Variants in TMBIM4 observed in about 807,000 individuals in gnomAD.
The protein encoded by TMBIM4 is protein lifeguard 4.
Under a neutral mutation model 27.7 loss-of-function variants are expected in TMBIM4, and 28 were observed. The observed-to-expected ratio is 1.01, with a 90% CI of 0.75 to 1.38. The LOEUF is 1.38. Ranked by LOEUF, TMBIM4 falls within the 40% of genes most tolerant of loss-of-function variation. The pLI, the probability that TMBIM4 is intolerant of heterozygous loss-of-function variation, is 0.00. For synonymous variants in TMBIM4, 115 were observed against 113.1 expected (o/e 1.02, Z -0.11); for missense variants, 265 against 277.5 (o/e 0.95, Z 0.32).
chr12:66,149,329 G>A (rs559638319), intron 3 of TMBIM4, among the ~76,000 whole-genome samples: 1 of 151,398 alleles, frequency 6.6e-6, no homozygotes, highest in Non-Finnish European at 1.5e-5. Flanking sequence ...TGTAGTCCCA[G>A]CTACTTGGGA....
At chr12:66,169,409 A>T (rs2052194168) in intron 1 of TMBIM4, 1 of 547,818 alleles carries the variant, frequency 1.8e-6, no homozygotes, top group African/African-American at 2.0e-5. Context: ...AGGACGGTAA[A>T]TATAAGCCTG....
chr12:66,152,336 A>G lies in TMBIM4; in HGVS notation c.247T>C (p.Leu83=). The G allele has an allele frequency of 7.5e-6, 12 of 1,610,646 alleles. No individual in the cohort carries two copies. The highest frequency in any genetic ancestry group is 1.0e-5 in the Non-Finnish European group (12 of 1,177,964). Residue 83 remains leucine (L), a synonymous_variant, in exon 3 of 7, where the codon TTG becomes CTG. Coordinates refer to ENST00000358230, the MANE Select transcript of TMBIM4 (RefSeq NM_016056.4). ...CTGTTTAAAATCAACGCAAAAATCA[A>G]ACCCAGAGATCCGAGGGCAAACAGC... The part of the protein sequence containing the change: ...ILLFALGSLG[L]IFALILNRHK...
chr12:66,167,325 GTTA>G (rs1349852130), intron 1 of TMBIM4, among the ~76,000 whole-genome samples: 1 of 152,188 alleles, frequency 6.6e-6, no homozygotes, highest in Admixed American at 6.5e-5. Flanking sequence ...GGTACAGAAC[GTTA>G]TTAGTGCAAG....
At chr12:66,165,820 A>G (rs1346090365) in intron 1 of TMBIM4, among the ~76,000 whole-genome samples, 1 of 152,060 alleles carries the variant, frequency 6.6e-6, no homozygotes, top group African/African-American at 2.4e-5. Context: ...TGTATTCTGG[A>G]TATTAGCCTC....
chr12:66,160,337 T>C (rs1430239701), intron 1 of TMBIM4: 1 of 659,560 alleles, frequency 1.5e-6, no homozygotes, highest in Non-Finnish European at 2.8e-6. Context: ...AAAATGCACA[T>C]ACTCTTTTGA....
chr12:66,157,341 T>C (rs2051954808), intron 1 of TMBIM4, among the ~76,000 whole-genome samples: 2 of 152,026 alleles, frequency 1.3e-5, no homozygotes. Flanking sequence ...GCCCTGTGAG[T>C]AGCCTGCCTG....
intron 1 of TMBIM4, among the ~76,000 whole-genome samples, chr12:66,165,909 C>A (rs1226147725): frequency 1.3e-5 from 2 of 152,160 alleles, no homozygotes; most frequent in East Asian, 3.8e-4. Flanking sequence ...CTTTGATACA[C>A]AGAAGTTTTA....
chr12:66,157,065 A>C (rs867136279), intron 1 of TMBIM4, among the ~76,000 whole-genome samples: 3 of 152,232 alleles, frequency 2.0e-5, no homozygotes, highest in Middle Eastern at 6.8e-3. Flanking sequence ...CCTCAATAAA[A>C]TTTTAATGCC....
At chr12:66,168,020 G>A (rs1041960222) in intron 1 of TMBIM4, among the ~76,000 whole-genome samples, 1 of 152,106 alleles carries the variant, frequency 6.6e-6, no homozygotes, top group Non-Finnish European at 1.5e-5. Flanking sequence ...AGGAGTTCAA[G>A]ATCGGATGGG....
chr12:66,140,490 A>T (rs991672548), intron 5 of TMBIM4, among the ~76,000 whole-genome samples: 5 of 152,212 alleles, frequency 3.3e-5, no homozygotes, highest in African/African-American at 1.2e-4. Context: ...AACAAAAAAA[A>T]CAGAACAGTG....
At position 66,138,754 on chromosome 12, in the gene TMBIM4, CAA is replaced by C. The variant is rs2051617808; in HGVS notation, c.478_479del (p.Leu160ValfsTer15). On this transcript the variant is annotated frameshift_variant, in exon 6 of 7. Coordinates refer to ENST00000358230, the MANE Select transcript of TMBIM4 (RefSeq NM_016056.4). LOFTEE classifies it high-confidence loss of function. ...SKFGAGLFAL[L>X]WILCLSGFLK... ...AGAATCCTGACAGGCACAATATCCA[CAA>C]AAGAGCAAACAGCCTATAAAAATAC... 2 of 1,544,538 alleles carry C rather than the reference CAA, an allele frequency of 1.3e-6. No homozygotes were observed. The highest frequency in any genetic ancestry group is 2.5e-5 in the South Asian group (2 of 79,470).
chr12:66,138,217 C>T (rs1017828875), intron 6 of TMBIM4, 51 bp from the exon 7 acceptor site: 7 of 1,560,654 alleles, frequency 4.5e-6, no homozygotes, highest in Non-Finnish European at 6.0e-6. Context: ...ACAGTATTAA[C>T]AGGACTTAAC....
Position 66,135,888 on chromosome 12 carries a change from A to G in TMBIM4, c.*2072T>C, listed in dbSNP as rs1217125068. ...GCATGCTCGTTAAGAGTCATCACCA[A>G]TCCCTAATCTCAAGTAATCAGGGAC... On this transcript the variant is annotated 3_prime_UTR_variant, in exon 7 of 7. Coordinates refer to ENST00000358230, the MANE Select transcript of TMBIM4 (RefSeq NM_016056.4). 4.6e-5 allele frequency: 3 copies of G among 65,314 alleles called. No homozygotes were observed. The highest frequency in any genetic ancestry group is 1.2e-4 in the Admixed American group (1 of 8,248). The allele number at this position is 65,314 out of a possible 1,614,324, so 4.0% of individuals were successfully genotyped here. A position where few individuals can be genotyped will look rare whatever the true frequency, so the allele number is the denominator to read the frequency against.
intron 3 of TMBIM4, among the ~76,000 whole-genome samples, chr12:66,149,691 C>T (rs147484094): frequency 6.6e-6 from 1 of 152,144 alleles, no homozygotes; most frequent in Admixed American, 6.5e-5. Context: ...CCAATACACC[C>T]CACTGTAAGT....
Position 66,159,368 on chromosome 12 carries a change from A to G in TMBIM4, c.98-5920T>C, listed in dbSNP as rs1592551465. 4.6e-5 allele frequency among the ~76,000 whole-genome samples: 7 copies of G among 152,302 alleles called. 3 individuals carry two copies. The highest frequency in any genetic ancestry group is 4.6e-4 in the Admixed American group (7 of 15,296). Reference sequence around the variant, plus strand: ...CATGTGGCAAGGAACTGAGGCCTCCAGTCAGTAGCCATGGGAATGAAATTT... The same window carrying G: ...CATGTGGCAAGGAACTGAGGCCTCCGGTCAGTAGCCATGGGAATGAAATTT... On this transcript the variant is annotated intron_variant, in intron 1 of 6. Transcript: ENST00000358230.
In TMBIM4 at chr12:66,153,420, A is replaced by G; in HGVS notation, c.126T>C (p.Leu42=). 6.3e-7 allele frequency: 1 copy of G among 1,596,954 alleles called. No individual in the cohort carries two copies. Among genetic ancestry groups the G allele is most frequent in the Non-Finnish European group, 8.5e-7 (1 of 1,174,060 alleles). ...MAFLRKVYSI[L]SLQVLLTTVT... ...CTGTAGTTAAGAGAACCTGCAGAGA[A>G]AGAATGCTGTAGACTTTTCTCAGAA... is the stretch of plus-strand genomic sequence containing the variant. Residue 42 remains leucine (L), a synonymous_variant, in exon 2 of 7, where the codon CTT becomes CTC. Coordinates refer to ENST00000358230, the MANE Select transcript of TMBIM4 (RefSeq NM_016056.4).
chr12:66,165,113 C>T (rs1470351224), intron 1 of TMBIM4, among the ~76,000 whole-genome samples: 1 of 151,876 alleles, frequency 6.6e-6, no homozygotes, highest in African/African-American at 2.4e-5. Flanking sequence ...ATTGGAAAAC[C>T]GATGTTCATA....
chr12:66,165,117 G>A (rs2052103601), intron 1 of TMBIM4, among the ~76,000 whole-genome samples: 1 of 152,094 alleles, frequency 6.6e-6, no homozygotes, highest in Non-Finnish European at 1.5e-5. Flanking sequence ...GAAAACCGAT[G>A]TTCATACTAC....
At chr12:66,138,283 T>C (rs1272656097) in intron 6 of TMBIM4, 117 bp from the exon 7 acceptor site, 5 of 1,446,572 alleles carry the variant, frequency 3.5e-6, no homozygotes, top group Non-Finnish European at 4.5e-6. Flanking sequence ...GTGTACAACT[T>C]TGAATACAAA....
Sources: gnomAD v4.1 joint callset for allele counts (sites outside exome capture counted in the v4.1 genomes callset) on GRCh38, gnomAD v4.1.1 for gene constraint, MANE v1.5 for transcripts, NCBI Gene and HGNC (gene_info 2026-07-23, HGNC 2026-07-21) for gene names.